KIF5B: variants seen among roughly 807,000 people sequenced by gnomAD.
KIF5B encodes kinesin family member 5B.
KIF5B carries 49 observed loss-of-function variants against 132.8 expected under a neutral mutation model. That is an observed-to-expected ratio of 0.37 (90% CI 0.29 to 0.47). The LOEUF (loss-of-function observed/expected upper bound fraction) is 0.47, where lower values mean the gene tolerates loss of function less well. Ranked by LOEUF, KIF5B falls within the 20% of genes least tolerant of loss-of-function variation. The pLI is 1.00. For synonymous variants in KIF5B, 355 were observed against 369.4 expected (o/e 0.96, Z 0.45); for missense variants, 780 against 1,144.0 (o/e 0.68, Z 4.59).
Position 32,015,594 on chromosome 10 carries a change from C to T in KIF5B, c.2827G>A (p.Gly943Arg), listed in dbSNP as rs762352722. 6.2e-7 allele frequency: 1 copy of T among 1,613,942 alleles called. No homozygotes were observed. Reference sequence around the variant, plus strand: ...TGGCTGTTCTGAACAAATGCACCTCCTCCACGAATTGCACTTGGGTGAGTT... The same window carrying T: ...TGGCTGTTCTGAACAAATGCACCTCTTCCACGAATTGCACTTGGGTGAGTT... ...SPTHPSAIRG[G>R]GAFVQNSQPV... Residue 943 changes from glycine to arginine, a missense_variant, in exon 25 of 26, where the codon GGA becomes AGA. Gly to Arg is a moderately radical substitution (Grantham distance 125, BLOSUM62 -2). This residue lies in a region of KIF5B where 90 missense variants were observed against 101.8 expected (regional missense o/e 0.88). Coordinates refer to ENST00000302418, the MANE Select transcript of KIF5B (RefSeq NM_004521.3).
intron 23 of KIF5B, among the ~76,000 whole-genome samples, chr10:32,017,769 T>C (rs1252898059): frequency 1.3e-5 from 2 of 152,222 alleles, no homozygotes; most frequent in Admixed American, 6.5e-5. Flanking sequence ...TCTTGTGTAG[T>C]AGAGATTTCA....
intron 2 of KIF5B, among the ~76,000 whole-genome samples, chr10:32,047,266 A>C (rs1219629879): frequency 6.6e-6 from 1 of 152,058 alleles, no homozygotes; most frequent in Non-Finnish European, 1.5e-5. Flanking sequence ...CACTAATGTT[A>C]CCACCTTTTT....
At chr10:32,039,999 G>C (rs1290827213) in intron 3 of KIF5B, among the ~76,000 whole-genome samples, 3 of 152,144 alleles carry the variant, frequency 2.0e-5, no homozygotes, top group African/African-American at 4.8e-5. Flanking sequence ...ATTCTTATCA[G>C]AGAAGAGTGA....
chr10:32,047,015 A>G (rs1841619239), intron 2 of KIF5B, among the ~76,000 whole-genome samples: 1 of 152,236 alleles, frequency 6.6e-6, no homozygotes, highest in Non-Finnish European at 1.5e-5. Flanking sequence ...TTTATAATAA[A>G]GTGTTAAATA....
At chr10:32,043,086 C>A (rs1025724912) in intron 2 of KIF5B, among the ~76,000 whole-genome samples, 4 of 152,166 alleles carry the variant, frequency 2.6e-5, no homozygotes, top group African/African-American at 9.7e-5. Context: ...TCACTGCAAC[C>A]TCCGCCTCCC....
chr10:32,022,872 T>C lies in KIF5B; in HGVS notation c.1890A>G (p.Ala630=). 6.2e-7 allele frequency: 1 copy of C among 1,612,340 alleles called. No homozygotes were observed. The highest frequency in any genetic ancestry group is 2.2e-5 in the East Asian group (1 of 44,842). ...CTTGAGAGATACGAAGCTGACATGC[T>C]GCTAACTCCTTTTCATTTTCTTCCA... is the stretch of plus-strand genomic sequence containing the variant. ...KKMEENEKEL[A]ACQLRISQHE... Residue 630 remains alanine, a synonymous_variant, in exon 16 of 26, where the codon GCA becomes GCG. Coordinates refer to ENST00000302418, the MANE Select transcript of KIF5B (RefSeq NM_004521.3).
intron 15 of KIF5B, among the ~76,000 whole-genome samples, chr10:32,026,461 A>AAAAAG (rs1841335466): frequency 6.8e-6 from 1 of 147,226 alleles, no homozygotes; most frequent in Non-Finnish European, 1.5e-5. Flanking sequence ...AAAAAAAAAA[A>AAAAAG]GTAACGCTCT....
At chr10:32,017,499 G>A (rs749523008) in intron 23 of KIF5B, 140 bp from the exon 24 acceptor site, 36 of 665,368 alleles carry the variant, frequency 5.4e-5, no homozygotes, top group Admixed American at 1.3e-4. Flanking sequence ...GCAGAAACAC[G>A]CAAGGAATAC....
intron 2 of KIF5B, among the ~76,000 whole-genome samples, chr10:32,040,718 G>A (rs1203517656): frequency 6.6e-6 from 1 of 152,024 alleles, no homozygotes; most frequent in Non-Finnish European, 1.5e-5. Context: ...GAGTGGCTGG[G>A]TGCGGTAGCT....
At chr10:32,022,457 A>G (rs866645357) in intron 16 of KIF5B, among the ~76,000 whole-genome samples, 200 bp from the exon 17 acceptor site, 16 of 152,322 alleles carry the variant, frequency 1.1e-4, no homozygotes, top group African/African-American at 3.4e-4. Flanking sequence ...TAAGGCACTG[A>G]AGACTCAAAT....
chr10:32,035,891 C>A lies in KIF5B; in HGVS notation c.815G>T (p.Ser272Ile). 6.2e-7 allele frequency: 1 copy of A among 1,606,598 alleles called. No homozygotes were observed. The highest frequency in any genetic ancestry group is 1.3e-5 in the African/African-American group (1 of 74,564). ...GNVISALAEG[S>I]TYVPYRDSKM... Reference sequence around the variant, plus strand: ...GAGATAGAAGACATGTATACTCACACTACCCTCAGCCAAAGCAGAAATAAC... The same window carrying A: ...GAGATAGAAGACATGTATACTCACAATACCCTCAGCCAAAGCAGAAATAAC... Residue 272 changes from serine to isoleucine, a missense_variant and splice_region_variant, in exon 9 of 26, where the codon AGT becomes ATT. This residue lies in a region of KIF5B where 15 missense variants were observed against 65.0 expected (regional missense o/e 0.23). Coordinates refer to ENST00000302418, the MANE Select transcript of KIF5B (RefSeq NM_004521.3).
chr10:32,021,114 C>A lies in KIF5B; in HGVS notation c.2112G>T (p.Gln704His), dbSNP rs1467010566. Residue 704 changes from glutamine (Q) to histidine (H), a missense_variant, in exon 19 of 26, where the codon CAG (glutamine) becomes CAT (histidine). Coordinates refer to ENST00000302418, the MANE Select transcript of KIF5B (RefSeq NM_004521.3). ...GATGAGTTTCTCTATGGCTCTGGAT[C>A]TGCTGTTCAACAGCTTGCTAAAATT... ...ANEVKQAVEQ[Q>H]IQSHRETHQK... The A allele has an allele frequency of 1.9e-6, 3 of 1,613,688 alleles. No individual in the cohort carries two copies. The highest frequency in any genetic ancestry group is 2.5e-6 in the Non-Finnish European group (3 of 1,179,816).
In KIF5B at chr10:32,035,973, C is replaced by G. The variant is rs1841455683; in HGVS notation, c.733G>C (p.Gly245Arg). ...SEKVSKTGAE[G>R]AVLDEAKNIN... Reference sequence around the variant, plus strand: ...TTTTTAGCTTCATCCAGCACAGCACCTTCAGCTCCAGTTTTACTAACCTAT... The same window carrying G: ...TTTTTAGCTTCATCCAGCACAGCACGTTCAGCTCCAGTTTTACTAACCTAT... The change falls in exon 9 of 26, where the codon GGT becomes CGT. Residue 245 changes from glycine to arginine, a missense_variant. Gly to Arg is a moderately radical substitution (Grantham distance 125, BLOSUM62 -2). Around this residue, in one of 9 missense-constraint regions of KIF5B, gnomAD observed 15 missense variants for 65.0 expected, o/e 0.23. Transcript: ENST00000302418. 6.2e-7 allele frequency: 1 copy of G among 1,604,232 alleles called. No homozygotes were observed.
At chr10:32,036,506 G>A (rs211279) in intron 8 of KIF5B, among the ~76,000 whole-genome samples, 30,368 of 151,802 alleles carry the variant, frequency 0.2, 3,290 homozygotes, top group Non-Finnish European at 0.25. Flanking sequence ...TGCAACCTCC[G>A]CTTCCCGGGT....
intron 13 of KIF5B, among the ~76,000 whole-genome samples, chr10:32,031,910 A>T (rs1206376074): frequency 1.3e-5 from 2 of 149,376 alleles, no homozygotes; most frequent in Non-Finnish European, 3.0e-5. Context: ...GAGGCAGAAG[A>T]GTCGCTTGAA....
At chr10:32,021,187 G>GT in intron 18 of KIF5B, 39 bp downstream of exon 18, 1 of 1,595,052 alleles carries the variant, frequency 6.3e-7, no homozygotes, top group Non-Finnish European at 8.6e-7. Flanking sequence ...AATTAATACT[G>GT]ATTAATTAAA....
chr10:32,053,315 T>C (rs551638707), intron 1 of KIF5B, among the ~76,000 whole-genome samples: 26 of 152,214 alleles, frequency 1.7e-4, no homozygotes, highest in African/African-American at 6.3e-4. Context: ...ATTAATGTCG[T>C]TACTATATGC....
At chr10:32,045,237 G>C (rs1841594237) in intron 2 of KIF5B, among the ~76,000 whole-genome samples, 2 of 151,958 alleles carry the variant, frequency 1.3e-5, no homozygotes, top group Admixed American at 6.6e-5. Flanking sequence ...AAAAGTCCAG[G>C]ATAAGTAACT....
At chr10:32,054,242 GGCCTTGCAA>G (rs1360711673) in intron 1 of KIF5B, among the ~76,000 whole-genome samples, 1 of 152,200 alleles carries the variant, frequency 6.6e-6, no homozygotes, top group Non-Finnish European at 1.5e-5. Flanking sequence ...AACTAATCCA[GGCCTTGCAA>G]GCCTCCTGAC....
Sources: allele counts gnomAD v4.1 joint callset (sites outside exome capture counted in the v4.1 genomes callset), GRCh38; gene constraint gnomAD v4.1.1; regional missense constraint gnomAD v4.1.1; transcripts MANE v1.5; gene names NCBI Gene and HGNC (gene_info 2026-07-23, HGNC 2026-07-21).